Variants in FANCA observed in about 807,000 individuals in gnomAD.
FANCA encodes the protein Fanconi anemia group A protein.
A neutral mutation model predicts 194.3 loss-of-function variants in FANCA; 236 were observed. The observed-to-expected ratio is 1.21, with a 90% CI of 1.09 to 1.35. The LOEUF is 1.35. FANCA is among the 40% of genes most tolerant of loss of function. The pLI, the probability that FANCA is intolerant of heterozygous loss-of-function variation, is 0.00. For missense variants in FANCA, 2,628 were observed against 1,813.9 expected (o/e 1.45, Z -8.15); for synonymous variants, 1,014 against 715.8 (o/e 1.42, Z -6.65).
chr16:89,790,178 G>C (rs2040020835), intron 14 of FANCA, among the ~76,000 whole-genome samples: 1 of 152,110 alleles, frequency 6.6e-6, no homozygotes, highest in South Asian at 2.1e-4. Flanking sequence ...GAGGGAGGCG[G>C]ACCACTTAAG....
At chr16:89,790,632 G>A (rs1312502926) in intron 14 of FANCA, among the ~76,000 whole-genome samples, 1 of 151,968 alleles carries the variant, frequency 6.6e-6, no homozygotes, top group African/African-American at 2.4e-5. Context: ...AGGAGGCTGA[G>A]GCAGGAGAAT....
chr16:89,783,832 C>G (rs571781180), intron 15 of FANCA, among the ~76,000 whole-genome samples: 12 of 152,132 alleles, frequency 7.9e-5, no homozygotes, highest in East Asian at 2.0e-4. Flanking sequence ...GGTGCAGTCT[C>G]GGCTCACTGC....
intron 18 of FANCA, 106 bp downstream of exon 18, chr16:89,779,763 T>C: frequency 1.0e-6 from 1 of 957,132 alleles, no homozygotes. Context: ...GAGCGGAGTC[T>C]GCACACCCTG....
At chr16:89,748,563 T>G in intron 33 of FANCA, 96 bp downstream of exon 33, 5 of 972,978 alleles carry the variant, frequency 5.1e-6, no homozygotes, top group Non-Finnish European at 8.1e-6. Flanking sequence ...TCCTCAGTAA[T>G]TCACACGGTC....
chr16:89,795,757 C>G (rs1249524705), intron 11 of FANCA, 149 bp downstream of exon 11: 1 of 685,204 alleles, frequency 1.5e-6, no homozygotes, highest in Non-Finnish European at 2.7e-6. Flanking sequence ...GTAACAATCT[C>G]AGGCATCTGA....
intron 24 of FANCA, 91 bp from the exon 25 acceptor site, chr16:89,770,350 G>C: frequency 8.0e-7 from 1 of 1,244,440 alleles, no homozygotes. Context: ...GCCGAAGAAA[G>C]AGCCAAGCTG....
Position 89,810,937 on chromosome 16 carries a change from CCA to C in FANCA, c.416_417del (p.Val139GlyfsTer41), listed in dbSNP as rs864622188. ...AETSHPVLLT[V>X]EQRKKLSSLL... ...CTTTGCTGGTGTCTTACTCTCTGCT[CCA>C]CAGTCAGCAGCACAGGGTGACTGGT... is the stretch of plus-strand genomic sequence containing the variant. On this transcript the variant is annotated frameshift_variant, in exon 4 of 43. Coordinates refer to ENST00000389301, the MANE Select transcript of FANCA (RefSeq NM_000135.4). LOFTEE classifies it high-confidence loss of function. 6.2e-7 allele frequency: 1 copy of C among 1,614,176 alleles called. No homozygotes were observed.
At chr16:89,766,119 C>T (rs1281403565) in intron 27 of FANCA, among the ~76,000 whole-genome samples, 6 of 151,822 alleles carry the variant, frequency 4.0e-5, no homozygotes, top group African/African-American at 1.5e-4. Context: ...GCCTCAGCCT[C>T]CCAAGTAGCT....
intron 10 of FANCA, among the ~76,000 whole-genome samples, chr16:89,796,627 C>T (rs1357756448): frequency 6.6e-6 from 1 of 152,186 alleles, no homozygotes; most frequent in Non-Finnish European, 1.5e-5. Context: ...TGCCACATCC[C>T]AGCAGGCCTA....
At chr16:89,741,213 T>C (rs566447678) in intron 37 of FANCA, among the ~76,000 whole-genome samples, 1 of 152,294 alleles carries the variant, frequency 6.6e-6, no homozygotes, top group Admixed American at 6.5e-5. Context: ...TGTAAAATCC[T>C]TGAAGATAAG....
chr16:89,794,502 C>A (rs2040178331), intron 11 of FANCA, among the ~76,000 whole-genome samples: 1 of 152,146 alleles, frequency 6.6e-6, no homozygotes, highest in Non-Finnish European at 1.5e-5. Flanking sequence ...CACCACCACA[C>A]TCCAGCCTGG....
intron 35 of FANCA, among the ~76,000 whole-genome samples, chr16:89,746,239 C>A (rs1327644656): frequency 6.6e-6 from 1 of 152,172 alleles, no homozygotes; most frequent in African/African-American, 2.4e-5. Flanking sequence ...CAGGCAGCCA[C>A]CGTACAGCCT....
chr16:89,798,649 T>C, intron 10 of FANCA: 3 of 1,207,604 alleles, frequency 2.5e-6, no homozygotes, highest in Non-Finnish European at 3.1e-6. Flanking sequence ...CCTCCCGACC[T>C]GTAAGGGTCT....
At chr16:89,814,758 T>C (rs910112493) in intron 2 of FANCA, 145 bp from the exon 3 acceptor site, 3 of 643,226 alleles carry the variant, frequency 4.7e-6, no homozygotes, top group African/African-American at 1.8e-5. Flanking sequence ...CTGGCCAACA[T>C]AGTGAAACCC....
At chr16:89,793,255 CGTCTTCCCAG>C (rs2040137743) in intron 11 of FANCA, among the ~76,000 whole-genome samples, 2 of 152,090 alleles carry the variant, frequency 1.3e-5, no homozygotes. Context: ...TGGTGACGGG[CGTCTTCCCAG>C]ACGCTGCCGT....
In FANCA at chr16:89,773,507, G is replaced by A. The variant is rs117477270; in HGVS notation, c.1901-123C>T. 6.5e-3 allele frequency: 4,731 copies of A among 727,076 alleles called. 25 individuals carry two copies. Among genetic ancestry groups the A allele is most frequent in the Non-Finnish European group, 8.3e-3 (3,443 of 412,488 alleles). The allele number at this position is 727,076 out of a possible 1,614,324, so 45.0% of individuals were successfully genotyped here. ...TTCCAAGCTGCTGTGTGTGGCAGAC[G>A]GAGGGACTGGGAGTCTCTGAGGAGG... On this transcript the variant is annotated intron_variant, in intron 21 of 42. Transcript: ENST00000389301.
intron 26 of FANCA, among the ~76,000 whole-genome samples, chr16:89,768,645 G>C (rs561120688): frequency 3.3e-5 from 5 of 151,804 alleles, no homozygotes; most frequent in African/African-American, 1.2e-4. Context: ...GATAGAGTGA[G>C]ACTCTGTCTC....
At chr16:89,778,747 CA>C (rs2143421446) in intron 20 of FANCA, 53 bp downstream of exon 20, 13 of 1,522,476 alleles carry the variant, frequency 8.5e-6, no homozygotes, top group Non-Finnish European at 1.2e-5. Context: ...CAATTCTTCG[CA>C]TTGTCAGAAG....
Position 89,742,807 on chromosome 16 carries a change from C to T in FANCA, c.3758G>A (p.Arg1253Lys), listed in dbSNP as rs2062169411. 3.7e-6 allele frequency: 6 copies of T among 1,614,152 alleles called. No individual in the cohort carries two copies. In the African/African-American group the frequency reaches 5.3e-5, roughly 14 times the overall value. The change falls in exon 37 of 43, where the codon AGA (arginine) becomes AAA (lysine). Residue 1253 changes from arginine to lysine, a missense_variant. Physicochemically the swap from Arg to Lys is conservative, Grantham distance 26 (BLOSUM62 2). Transcript: ENST00000389301. ...AAGAATTTCCTATCTTGCCTCCTCTCTCTCGCAGTCCAGCTTCTTTAGCTG... is the reference window on the plus strand; with the variant it reads ...AAGAATTTCCTATCTTGCCTCCTCTTTCTCGCAGTCCAGCTTCTTTAGCTG... ...RKQLKKLDCE[R>K]EELLVFLFFF...
Sources: gnomAD v4.1 joint callset for allele counts (sites outside exome capture counted in the v4.1 genomes callset) on GRCh38, gnomAD v4.1.1 for gene constraint, MANE v1.5 for transcripts, NCBI Gene and HGNC (gene_info 2026-07-23, HGNC 2026-07-21) for gene names.